Variants in HS3ST3B1 observed in about 807,000 individuals in gnomAD.
The protein encoded by HS3ST3B1 is heparan sulfate glucosamine 3-O-sulfotransferase 3B1.
HS3ST3B1 carries 13 observed loss-of-function variants against 21.3 expected under a neutral mutation model. The observed-to-expected ratio is 0.61, with a 90% CI of 0.40 to 0.97. The LOEUF is 0.97. Ranked by LOEUF, HS3ST3B1 falls within the 50% of genes least tolerant of loss-of-function variation. The pLI is 0.00. For synonymous variants in HS3ST3B1, 234 were observed against 254.8 expected, an observed-to-expected ratio of 0.92 and a Z score of 0.78; for missense variants, 459 against 554.8, an observed-to-expected ratio of 0.83 and a Z score of 1.73.
chr17:14,340,184 C>A (rs1910329058), intron 1 of HS3ST3B1, among the ~76,000 whole-genome samples: 3 of 152,136 alleles, frequency 2.0e-5, no homozygotes, highest in Admixed American at 2.0e-4. Flanking sequence ...CTCCCAGGAC[C>A]TCCTGTGCAC....
chr17:14,307,384 G>A (rs1909168450), intron 1 of HS3ST3B1, among the ~76,000 whole-genome samples: 1 of 146,562 alleles, frequency 6.8e-6, no homozygotes, highest in Admixed American at 6.9e-5. Flanking sequence ...CACAGCTTCT[G>A]TGTTTCTAGT....
intron 1 of HS3ST3B1, among the ~76,000 whole-genome samples, chr17:14,318,411 G>C (rs1447933126): frequency 6.6e-6 from 1 of 152,118 alleles, no homozygotes; most frequent in Non-Finnish European, 1.5e-5. Context: ...GCAAACCTTC[G>C]CCCTCTGTCT....
chr17:14,320,002 A>G (rs1909610878), intron 1 of HS3ST3B1, among the ~76,000 whole-genome samples: 1 of 152,080 alleles, frequency 6.6e-6, no homozygotes, highest in Non-Finnish European at 1.5e-5. Flanking sequence ...TAAAAAGATG[A>G]AAAGGTAGAA....
chr17:14,330,150 G>T (rs559405273), intron 1 of HS3ST3B1, among the ~76,000 whole-genome samples: 1 of 152,320 alleles, frequency 6.6e-6, no homozygotes, highest in South Asian at 2.1e-4. Flanking sequence ...ATTTGACATT[G>T]AGCATCATCT....
chr17:14,340,593 T>C (rs1314763622), intron 1 of HS3ST3B1, among the ~76,000 whole-genome samples: 2 of 152,126 alleles, frequency 1.3e-5, no homozygotes, highest in Non-Finnish European at 1.5e-5. Context: ...TTTTCTTTTT[T>C]TTCTTTTGAG....
chr17:14,336,574 G>A (rs1910191859), intron 1 of HS3ST3B1, among the ~76,000 whole-genome samples: 2 of 152,106 alleles, frequency 1.3e-5, no homozygotes, highest in African/African-American at 2.4e-5. Context: ...CCCTGGGACC[G>A]CCATTCCCCA....
chr17:14,339,027 T>C (rs574152447), intron 1 of HS3ST3B1, among the ~76,000 whole-genome samples: 2 of 152,350 alleles, frequency 1.3e-5, no homozygotes, highest in African/African-American at 4.8e-5. Flanking sequence ...AGGAATACTC[T>C]TGTGGGCTGT....
In HS3ST3B1 at chr17:14,346,247, C is replaced by CTTTTTTTTTTTTTTTTTTTTTTTTTTTTT. The variant is rs71352467; in HGVS notation, c.*623_*624insTTTTTTTTTTTTTTTTTTTTTTTTTTTTT. ...AGGGACATCCACATCCTTTTTTTTT[C>CTTTTTTTTTTTTTTTTTTTTTTTTTTTTT]TTTTTTTTTTTTTTTTTTTTTTGAG... On this transcript the variant is annotated 3_prime_UTR_variant, in exon 2 of 2. Coordinates refer to ENST00000360954, the MANE Select transcript of HS3ST3B1 (RefSeq NM_006041.3). 1 of 90,338 alleles carries CTTTTTTTTTTTTTTTTTTTTTTTTTTTTT rather than the reference C, an allele frequency of 1.1e-5. No homozygotes were observed. The highest frequency in any genetic ancestry group is 2.0e-5 in the Non-Finnish European group (1 of 50,806). The allele number at this position is 90,338 out of a possible 1,614,324, so 5.6% of individuals were successfully genotyped here.
intron 1 of HS3ST3B1, among the ~76,000 whole-genome samples, chr17:14,343,585 G>A (rs182991398): frequency 6.6e-6 from 1 of 152,268 alleles, no homozygotes; most frequent in African/African-American, 2.4e-5. Context: ...AGATAACACA[G>A]GATTTGTCTT....
rs1291977799 is a variant in HS3ST3B1, at chr17:14,348,112, G to A, written c.*2466G>A. ...ATGTGGCTGTTGATGTGGAACTGCA[G>A]AAGAGTTCAGAGAAGAGTATGCAAC... On this transcript the variant is annotated 3_prime_UTR_variant, in exon 2 of 2. Coordinates refer to ENST00000360954, the MANE Select transcript of HS3ST3B1 (RefSeq NM_006041.3). 1 of 152,216 alleles carries A rather than the reference G, an allele frequency of 6.6e-6. No homozygotes were observed. Among genetic ancestry groups the A allele is most frequent in the Non-Finnish European group, 1.5e-5 (1 of 68,052 alleles). The allele number at this position is 152,216 out of a possible 1,614,324, so 9.4% of individuals were successfully genotyped here. A position where few individuals can be genotyped will look rare whatever the true frequency, so the allele number is the denominator to read the frequency against.
chr17:14,328,146 C>T (rs1002326610), intron 1 of HS3ST3B1: 1 of 152,188 alleles, frequency 6.6e-6, no homozygotes, highest in Non-Finnish European at 1.5e-5. Context: ...ACCAGTCAGG[C>T]AACATCATCT....
intron 1 of HS3ST3B1, among the ~76,000 whole-genome samples, chr17:14,314,578 C>A (rs1909441456): frequency 6.6e-6 from 1 of 152,190 alleles, no homozygotes; most frequent in South Asian, 2.1e-4. Flanking sequence ...TTAAAACATG[C>A]ACATTTACTG....
intron 1 of HS3ST3B1, chr17:14,328,065 G>T (rs1382378619): frequency 6.6e-6 from 1 of 152,176 alleles, no homozygotes; most frequent in African/African-American, 2.4e-5. Context: ...GTTCCTTACG[G>T]GTGAAGAATG....
intron 1 of HS3ST3B1, chr17:14,329,491 A>G (rs940586529): frequency 1.3e-5 from 2 of 151,068 alleles, no homozygotes; most frequent in Non-Finnish European, 1.5e-5. Flanking sequence ...AAAGAAGAAA[A>G]GAAAGAAGGA....
chr17:14,324,725 C>T (rs558038576), intron 1 of HS3ST3B1, among the ~76,000 whole-genome samples: 16 of 152,018 alleles, frequency 1.1e-4, no homozygotes, highest in African/African-American at 2.9e-4. Flanking sequence ...GTGATCCTCC[C>T]GCTTCAGCCT....
At chr17:14,321,392 A>G (rs971209827) in intron 1 of HS3ST3B1, among the ~76,000 whole-genome samples, 1 of 152,168 alleles carries the variant, frequency 6.6e-6, no homozygotes, top group African/African-American at 2.4e-5. Context: ...GCGCAGCTTC[A>G]TGTATCTCCC....
chr17:14,308,052 T>A (rs1189926673), intron 1 of HS3ST3B1, among the ~76,000 whole-genome samples: 1 of 152,236 alleles, frequency 6.6e-6, no homozygotes, highest in African/African-American at 2.4e-5. Context: ...CTTTGAAAAC[T>A]AATTGTAAGT....
chr17:14,302,609 A>C (rs1036512343), intron 1 of HS3ST3B1, among the ~76,000 whole-genome samples: 24 of 152,062 alleles, frequency 1.6e-4, no homozygotes, highest in African/African-American at 5.3e-4. Flanking sequence ...TGGTTACCGG[A>C]ACCCCAAGGG....
rs1295879193 is a variant in HS3ST3B1, at chr17:14,345,105, C to T, written c.632C>T (p.Pro211Leu). The change falls in exon 2 of 2, where the codon CCT (proline) becomes CTT (leucine). Residue 211 changes from proline (P) to leucine (L), a missense_variant. Transcript: ENST00000360954. ...TPSYFVTREA[P>L]ARISAMSKDT... ...AGTTACTTCGTCACGCGGGAGGCCC[C>T]TGCGCGCATCTCGGCCATGTCCAAG... is the stretch of plus-strand genomic sequence containing the variant. 7 of 1,572,616 alleles carry T rather than the reference C, an allele frequency of 4.5e-6. No individual in the cohort carries two copies. The highest frequency in any genetic ancestry group is 6.0e-6 in the Non-Finnish European group (7 of 1,157,052).
Sources: allele counts gnomAD v4.1 joint callset (sites outside exome capture counted in the v4.1 genomes callset), GRCh38; gene constraint gnomAD v4.1.1; transcripts MANE v1.5; gene names NCBI Gene and HGNC (gene_info 2026-07-23, HGNC 2026-07-21).